The following SLC24A2 variants were observed in gnomAD, a reference collection of about 807,000 sequenced individuals.
The protein encoded by SLC24A2 is solute carrier family 24 member 2.
In SLC24A2, 36 loss-of-function variants were observed where a neutral mutation model predicts 62.0. The ratio of observed to expected loss-of-function variants is 0.58; its 90% CI spans 0.44 to 0.77. The LOEUF (loss-of-function observed/expected upper bound fraction) is 0.77, where lower values mean the gene tolerates loss of function less well. Among genes scored for constraint, SLC24A2 ranks in the 30% least tolerant of loss-of-function variants. The pLI is 0.00. For missense variants in SLC24A2, 846 were observed against 817.9 expected (o/e 1.03, Z -0.42); for synonymous variants, 358 against 294.0 (o/e 1.22, Z -2.23).
the SLC24A2 span, among the ~76,000 whole-genome samples, chr9:20,048,459 G>A: frequency 6.6e-6 from 1 of 152,116 alleles, no homozygotes; most frequent in Non-Finnish European, 1.5e-5. Flanking sequence ...GGTCTAGACT[G>A]AAAGAAATCA....
chr9:19,849,958 C>T, the SLC24A2 span, among the ~76,000 whole-genome samples: 1 of 150,918 alleles, frequency 6.6e-6, no homozygotes, highest in Non-Finnish European at 1.5e-5. Context: ...GCAGTTAGCA[C>T]ATTTCCAGCA....
the SLC24A2 span, among the ~76,000 whole-genome samples, chr9:19,999,216 C>A: frequency 1.3e-5 from 2 of 152,232 alleles, no homozygotes; most frequent in South Asian, 4.1e-4. Flanking sequence ...GCCTCCCTGG[C>A]TGGAAGCCTG....
the SLC24A2 span, among the ~76,000 whole-genome samples, chr9:20,215,257 G>C: frequency 6.6e-6 from 1 of 152,126 alleles, no homozygotes; most frequent in Non-Finnish European, 1.5e-5. Context: ...CTGCCTCACC[G>C]AATCACACGC....
At chr9:20,229,288 G>A in the SLC24A2 span, among the ~76,000 whole-genome samples, 1 of 152,128 alleles carries the variant, frequency 6.6e-6, no homozygotes, top group East Asian at 1.9e-4. Context: ...CCTTGATCAA[G>A]TGCTTTGACC....
the SLC24A2 span, among the ~76,000 whole-genome samples, chr9:20,284,989 T>C: frequency 3.9e-5 from 6 of 152,212 alleles, no homozygotes; most frequent in Non-Finnish European, 7.3e-5. Context: ...AAGCCAAATA[T>C]AATTCTATTA....
rs888779699 is a variant in SLC24A2, at chr9:19,725,966, T to C, written c.930+59971A>G. Reference sequence around the variant, plus strand: ...CTTTTATATCCAGACGTATAGAGCATTGGGGAAAAAAAGTATGCTTTCAGT... The same window carrying C: ...CTTTTATATCCAGACGTATAGAGCACTGGGGAAAAAAAGTATGCTTTCAGT... On this transcript the variant is annotated intron_variant, in intron 2 of 10. Transcript: ENST00000341998. Among the ~76,000 whole-genome samples the C allele has an allele frequency of 1.5e-4, 23 of 152,202 alleles. 1 individual carries two copies. Among genetic ancestry groups the C allele is most frequent in the African/African-American group, 4.8e-4 (20 of 41,544 alleles).
At chr9:19,624,205 A>G (rs1196704036) in intron 2 of SLC24A2, among the ~76,000 whole-genome samples, 1 of 152,176 alleles carries the variant, frequency 6.6e-6, no homozygotes, top group Non-Finnish European at 1.5e-5. Context: ...TTAGACATAC[A>G]TTGAGATTAA....
At chr9:19,754,407 C>A (rs993076961) in intron 2 of SLC24A2, among the ~76,000 whole-genome samples, 1 of 152,214 alleles carries the variant, frequency 6.6e-6, no homozygotes, top group Non-Finnish European at 1.5e-5. Flanking sequence ...TTCAACTGAA[C>A]CTTTGAGCCT....
chr9:19,765,116 C>T (rs567290241), intron 2 of SLC24A2, among the ~76,000 whole-genome samples: 1 of 152,032 alleles, frequency 6.6e-6, no homozygotes, highest in Non-Finnish European at 1.5e-5. Flanking sequence ...AGGATTGCAA[C>T]TCCTGCTTTT....
At chr9:19,774,221 A>C (rs559914025) in intron 2 of SLC24A2, among the ~76,000 whole-genome samples, 1 of 152,284 alleles carries the variant, frequency 6.6e-6, no homozygotes, top group Non-Finnish European at 1.5e-5. Context: ...CAGAAACTGG[A>C]TTCTGCTAAA....
At chr9:20,167,405 T>C in the SLC24A2 span, among the ~76,000 whole-genome samples, 1 of 151,980 alleles carries the variant, frequency 6.6e-6, no homozygotes, top group Non-Finnish European at 1.5e-5. Flanking sequence ...CATACAGATA[T>C]GGAATCGGGG....
chr9:19,838,587 C>A, the SLC24A2 span, among the ~76,000 whole-genome samples: 3 of 150,046 alleles, frequency 2.0e-5, no homozygotes, highest in Admixed American at 6.7e-5. Context: ...TGCAGTGAGT[C>A]GAGACGGTGC....
chr9:20,154,558 G>A, the SLC24A2 span, among the ~76,000 whole-genome samples: 4 of 151,486 alleles, frequency 2.6e-5, no homozygotes, highest in Non-Finnish European at 2.9e-5. Flanking sequence ...AAAAGGAAAC[G>A]TGTGACTCTA....
At chr9:19,519,533 A>G (rs1366590320) in intron 10 of SLC24A2, among the ~76,000 whole-genome samples, 2 of 152,290 alleles carry the variant, frequency 1.3e-5, no homozygotes, top group East Asian at 3.9e-4. Flanking sequence ...AGTAGGTACA[A>G]CTTCCTTTAA....
intron 4 of SLC24A2, among the ~76,000 whole-genome samples, chr9:19,598,616 G>C (rs905957506): frequency 2.6e-5 from 4 of 151,590 alleles, no homozygotes; most frequent in Non-Finnish European, 5.9e-5. Context: ...TAAATAGAAA[G>C]AAAATTTTTT....
At chr9:19,779,025 A>G (rs1260943300) in intron 2 of SLC24A2, among the ~76,000 whole-genome samples, 1 of 152,234 alleles carries the variant, frequency 6.6e-6, no homozygotes, top group Non-Finnish European at 1.5e-5. Flanking sequence ...GAAAGTCAAT[A>G]GATGCGCTTT....
the SLC24A2 span, among the ~76,000 whole-genome samples, chr9:19,948,807 A>T: frequency 2.1e-5 from 3 of 145,302 alleles, no homozygotes; most frequent in African/African-American, 5.0e-5. Flanking sequence ...ATCGCGCCAC[A>T]GCACTCCCGC....
At chr9:19,877,837 T>C in the SLC24A2 span, among the ~76,000 whole-genome samples, 19 of 152,112 alleles carry the variant, frequency 1.2e-4, no homozygotes, top group Non-Finnish European at 4.4e-5. Flanking sequence ...GTTACAAGAG[T>C]GTACAACTTT....
chr9:20,073,883 TATATATAC>T, the SLC24A2 span, among the ~76,000 whole-genome samples: 2 of 105,518 alleles, frequency 1.9e-5, no homozygotes, highest in African/African-American at 3.9e-5. Flanking sequence ...CGTGTATATA[TATATATAC>T]ACACATATAT....
Sources: allele counts gnomAD v4.1 joint callset (sites outside exome capture counted in the v4.1 genomes callset), GRCh38; gene constraint gnomAD v4.1.1; transcripts MANE v1.5; gene names NCBI Gene and HGNC (gene_info 2026-07-23, HGNC 2026-07-21).